Variants in ZBTB20 observed in about 807,000 individuals in gnomAD.
The protein encoded by ZBTB20 is zinc finger and BTB domain-containing protein 20.
Under a neutral mutation model 56.9 loss-of-function variants are expected in ZBTB20, and 9 were observed. The ratio of observed to expected loss-of-function variants is 0.16; its 90% confidence interval spans 0.10 to 0.28. ZBTB20 has a LOEUF of 0.28. ZBTB20 is among the 10% of genes least tolerant of loss of function. The probability of loss-of-function intolerance (pLI) is 1.00; values close to 1 mark genes in which losing one functional copy is unlikely to be tolerated. For missense variants in ZBTB20, 655 were observed against 1,003.0 expected, an observed-to-expected ratio of 0.65 and a Z score of 4.69; for synonymous variants, 417 against 420.7, an observed-to-expected ratio of 0.99 and a Z score of 0.11.
At chr3:114,776,055 C>A (rs4408844) in intron 5 of ZBTB20, among the ~76,000 whole-genome samples, 144,382 of 146,430 alleles carry the variant, frequency 0.99, 71,212 homozygotes, top group East Asian at 1. Flanking sequence ...TTTTTACTAA[C>A]ATACAAAGTG....
chr3:114,875,813 A>G (rs1396867781), intron 4 of ZBTB20, among the ~76,000 whole-genome samples: 1 of 152,210 alleles, frequency 6.6e-6, no homozygotes, highest in Non-Finnish European at 1.5e-5. Flanking sequence ...AATTAAAATA[A>G]TAATTTAGGA....
rs1054659802 is a variant in ZBTB20 at position 114,495,449 on chromosome 3, G to A, written c.-255+4903C>T. On this transcript the variant is annotated intron_variant, in intron 7 of 11. Transcript: ENST00000675478. Reference sequence around the variant, plus strand: ...GAGGTGTGTATCAGTGCAAGTCTGTGTATACACACACACACACACACACAC... The same window carrying A: ...GAGGTGTGTATCAGTGCAAGTCTGTATATACACACACACACACACACACAC... Among the ~76,000 whole-genome samples, 3 of 142,062 alleles carry A rather than the reference G, an allele frequency of 2.1e-5. 1 individual carries two copies. Among genetic ancestry groups the A allele is most frequent in the African/African-American group, 8.4e-5 (3 of 35,556 alleles). 93.2% of individuals were successfully genotyped at this position (142,062 alleles called of 152,430 possible). A position where few individuals can be genotyped will look rare whatever the true frequency, so the allele number is the denominator to read the frequency against.
At chr3:114,680,544 G>A (rs993480212) in intron 6 of ZBTB20, among the ~76,000 whole-genome samples, 1 of 152,184 alleles carries the variant, frequency 6.6e-6, no homozygotes, top group Non-Finnish European at 1.5e-5. Flanking sequence ...ATGCTACAAT[G>A]TCACAACCAG....
Position 114,900,696 on chromosome 3 carries a change from A to G in ZBTB20, c.-455-354T>C, listed in dbSNP as rs1387286825. ...ATTCTTCCAAGACTATTGCCTTCCTAATACAAATATGACTGCTGCTCTCTA... is the reference window on the plus strand; with the variant it reads ...ATTCTTCCAAGACTATTGCCTTCCTGATACAAATATGACTGCTGCTCTCTA... On this transcript the variant is annotated intron_variant, in intron 3 of 11. Coordinates refer to ENST00000675478, the MANE Select transcript of ZBTB20 (RefSeq NM_001348800.3). The G allele has an allele frequency of 2.0e-5, 3 of 151,808 alleles. No homozygotes were observed. The East Asian group carries it at 5.8e-4, about 29-fold the overall frequency. 9.4% of individuals were successfully genotyped at this position (151,808 alleles called of 1,614,324 possible).
intron 7 of ZBTB20, among the ~76,000 whole-genome samples, chr3:114,434,541 G>GGGGTGTGTGTGTGTGTGTGT (rs1553711977): frequency 7.0e-5 from 6 of 85,736 alleles, no homozygotes; most frequent in Admixed American, 5.5e-4. Flanking sequence ...CTGCAATTGG[G>GGGGTGTGTGTGTGTGTGTGT]GTGTGTGTGT....
At chr3:114,843,981 A>G (rs6791894) in intron 4 of ZBTB20, among the ~76,000 whole-genome samples, 135,876 of 152,028 alleles carry the variant, frequency 0.89, 61,402 homozygotes, top group East Asian at 0.98. Context: ...GCCACCGCAC[A>G]TGGCCATATT....
chr3:114,476,914 T>C (rs374031414), intron 7 of ZBTB20, among the ~76,000 whole-genome samples: 12 of 152,338 alleles, frequency 7.9e-5, no homozygotes, highest in African/African-American at 2.9e-4. Context: ...TACCTAGTTA[T>C]CTAACCTTGG....
chr3:115,046,514 A>C (rs911092363), intron 2 of ZBTB20, among the ~76,000 whole-genome samples: 3 of 152,198 alleles, frequency 2.0e-5, no homozygotes, highest in African/African-American at 7.2e-5. Flanking sequence ...AAATTCTGCT[A>C]TCTTGTCCTC....
At chr3:114,537,474 A>G (rs888818003) in intron 6 of ZBTB20, among the ~76,000 whole-genome samples, 5 of 152,216 alleles carry the variant, frequency 3.3e-5, no homozygotes, top group Admixed American at 1.3e-4. Context: ...ATCATTAAAA[A>G]GTTAGGAAAC....
intron 5 of ZBTB20, among the ~76,000 whole-genome samples, chr3:114,784,807 T>C (rs909117643): frequency 6.6e-6 from 1 of 152,218 alleles, no homozygotes; most frequent in Non-Finnish European, 1.5e-5. Flanking sequence ...CTGGATCAGA[T>C]GTGAACATTT....
intron 3 of ZBTB20, among the ~76,000 whole-genome samples, chr3:114,944,128 C>A (rs2076810918): frequency 6.9e-6 from 1 of 145,382 alleles, no homozygotes; most frequent in Admixed American, 6.6e-5. Context: ...GAAACCCAAA[C>A]AACAGCAAAA....
At chr3:115,111,753 G>GCT (rs1360720502) in intron 1 of ZBTB20, among the ~76,000 whole-genome samples, 2 of 152,118 alleles carry the variant, frequency 1.3e-5, no homozygotes, top group Non-Finnish European at 1.5e-5. Context: ...ATAAATTAGA[G>GCT]AAGTTTTAGG....
At chr3:114,985,630 A>G (rs1056764011) in intron 2 of ZBTB20, among the ~76,000 whole-genome samples, 1 of 152,064 alleles carries the variant, frequency 6.6e-6, no homozygotes, top group Non-Finnish European at 1.5e-5. Flanking sequence ...CACATACCCA[A>G]TTTGGGACCT....
At position 114,593,361 on chromosome 3, in the gene ZBTB20, A is replaced by AT. The variant is rs1418491084; in HGVS notation, c.-294-92971dup. Among the ~76,000 whole-genome samples, 7 of 148,768 alleles carry AT rather than the reference A, an allele frequency of 4.7e-5. No homozygotes were observed. The South Asian group carries it at 1.5e-3, about 32-fold the overall frequency. On this transcript the variant is annotated intron_variant, in intron 6 of 11. Coordinates refer to ENST00000675478, the MANE Select transcript of ZBTB20 (RefSeq NM_001348800.3). ...GCCCAAAAATAGGGGAGAGGGAGAG[A>AT]TTTTTTTGTTCTTTTTTCTTTTCTT...
intron 2 of ZBTB20, among the ~76,000 whole-genome samples, chr3:115,047,643 A>G (rs924851996): frequency 6.6e-5 from 10 of 152,240 alleles, no homozygotes; most frequent in African/African-American, 2.4e-4. Flanking sequence ...AAAATTTAAT[A>G]AATGTAAACA....
chr3:114,772,707 A>G (rs1041602220), intron 5 of ZBTB20, among the ~76,000 whole-genome samples: 1 of 152,206 alleles, frequency 6.6e-6, no homozygotes, highest in Non-Finnish European at 1.5e-5. Context: ...AGAGTACTCT[A>G]GAAATGTATG....
intron 3 of ZBTB20, among the ~76,000 whole-genome samples, chr3:114,946,512 A>G (rs562551456): frequency 2.7e-5 from 4 of 145,620 alleles, no homozygotes; most frequent in Admixed American, 1.3e-4. Flanking sequence ...AATAACCTTA[A>G]CAGGAATGAA....
intron 5 of ZBTB20, among the ~76,000 whole-genome samples, chr3:114,735,501 A>G (rs1391304926): frequency 6.6e-6 from 1 of 152,100 alleles, no homozygotes; most frequent in East Asian, 1.9e-4. Flanking sequence ...CAGGCTTAAG[A>G]ACAGTATTTT....
chr3:114,396,745 C>T (rs945703852), intron 7 of ZBTB20, among the ~76,000 whole-genome samples: 22 of 152,166 alleles, frequency 1.4e-4, no homozygotes, highest in African/African-American at 5.3e-4. Flanking sequence ...ATGGCTCTCT[C>T]ATGTCTTCTT....
Sources: allele counts gnomAD v4.1 joint callset (sites outside exome capture counted in the v4.1 genomes callset), GRCh38; gene constraint gnomAD v4.1.1; transcripts MANE v1.5; gene names NCBI Gene and HGNC (gene_info 2026-07-23, HGNC 2026-07-21).